The following SESN1 variants were observed in gnomAD, a reference collection of about 807,000 sequenced individuals.
The protein encoded by SESN1 is sestrin 1.
Under a neutral mutation model 59.3 loss-of-function variants are expected in SESN1, and 30 were observed. That is an observed-to-expected ratio of 0.51 (90% CI 0.38 to 0.69). The LOEUF is 0.69. Ranked by LOEUF, SESN1 falls within the 30% of genes least tolerant of loss-of-function variation. The pLI, the probability that SESN1 is intolerant of heterozygous loss-of-function variation, is 0.00. For missense variants in SESN1, 566 were observed against 673.0 expected, an observed-to-expected ratio of 0.84 and a Z score of 1.76; for synonymous variants, 197 against 219.9, an observed-to-expected ratio of 0.90 and a Z score of 0.92.
At position 109,094,188 on chromosome 6, in the gene SESN1, T is replaced by C. The variant is rs948766174; in HGVS notation, c.-115A>G. The stretch of plus-strand genomic sequence containing the variant: ...TAAAATCAGAGAAATCAAATCGTCA[T>C]GAAAACACACATCTGGGTGACATTT... On this transcript the variant is annotated 5_prime_UTR_variant, in exon 1 of 10. The change abolishes an upstream ATG in the 5' untranslated region. Transcript: ENST00000436639. 2 of 1,182,330 alleles carry C rather than the reference T, an allele frequency of 1.7e-6. No individual in the cohort carries two copies. Among genetic ancestry groups the C allele is most frequent in the East Asian group, 4.8e-5 (2 of 41,902 alleles). The allele number at this position is 1,182,330 out of a possible 1,614,324, so 73.2% of individuals were successfully genotyped here.
intron 1 of SESN1, among the ~76,000 whole-genome samples, chr6:109,054,902 A>C (rs1210293784): frequency 6.6e-6 from 1 of 152,214 alleles, no homozygotes; most frequent in Non-Finnish European, 1.5e-5. Context: ...CCTTGCTTTT[A>C]CGCTTTAAAA....
chr6:109,077,583 G>T (rs1781051556), intron 1 of SESN1, among the ~76,000 whole-genome samples: 1 of 152,136 alleles, frequency 6.6e-6, no homozygotes, highest in Non-Finnish European at 1.5e-5. Flanking sequence ...TTGCAGATCT[G>T]GTGTGACCCA....
intron 7 of SESN1, among the ~76,000 whole-genome samples, chr6:108,991,603 T>C (rs1468249464): frequency 6.6e-6 from 1 of 152,204 alleles, no homozygotes; most frequent in Non-Finnish European, 1.5e-5. Context: ...CCTGCACTTC[T>C]GCCTTTTAGC....
chr6:109,062,548 T>C (rs1392830293), intron 1 of SESN1, among the ~76,000 whole-genome samples: 2 of 152,170 alleles, frequency 1.3e-5, no homozygotes, highest in East Asian at 3.9e-4. Context: ...AAAACATTTA[T>C]CTTTAACGAA....
chr6:109,035,369 C>A (rs1038376574), intron 1 of SESN1, among the ~76,000 whole-genome samples: 1 of 152,092 alleles, frequency 6.6e-6, no homozygotes, highest in African/African-American at 2.4e-5. Flanking sequence ...TTAATTTGTA[C>A]ACTACACCTC....
Position 109,061,093 on chromosome 6 carries a change from CATATT to C in SESN1, c.279+32697_279+32701del, listed in dbSNP as rs376821214. 4.2e-3 allele frequency among the ~76,000 whole-genome samples: 640 copies of C among 152,174 alleles called. 4 individuals are homozygous for C. The highest frequency in any genetic ancestry group is 0.014 in the African/African-American group (591 of 41,540). ...ATTTTACTTTTTGAAATATCTCACA[CATATT>C]ATTCATAACTCAGTTGTATATCTGA... On this transcript the variant is annotated intron_variant, in intron 1 of 9. Transcript: ENST00000436639.
intron 1 of SESN1, chr6:109,009,440 C>T: frequency 1.5e-6 from 2 of 1,368,258 alleles, no homozygotes; most frequent in Non-Finnish European, 1.9e-6. Context: ...ACGCCTCGTT[C>T]GCGGCGGCGG....
intron 1 of SESN1, among the ~76,000 whole-genome samples, chr6:109,032,629 G>T (rs1329018823): frequency 1.3e-5 from 2 of 151,486 alleles, no homozygotes; most frequent in Non-Finnish European, 2.9e-5. Context: ...TGGGGGGAGT[G>T]GGGGGGAAGA....
chr6:108,986,038 A>AT lies in SESN1; in HGVS notation c.*1505dup, dbSNP rs1277834656. 6.6e-6 allele frequency among the ~76,000 whole-genome samples: 1 copy of AT among 152,118 alleles called. No homozygotes were observed. The highest frequency in any genetic ancestry group is 2.4e-5 in the African/African-American group (1 of 41,420). On this transcript the variant is annotated 3_prime_UTR_variant, in exon 10 of 10. Coordinates refer to ENST00000436639, the MANE Select transcript of SESN1 (RefSeq NM_014454.3). ...CCATACATTTGTAGGCAGGCACTAGATTGAGCTCAATAAATGTTTTGAGGA... is the reference window on the plus strand; with the variant it reads ...CCATACATTTGTAGGCAGGCACTAGATTTGAGCTCAATAAATGTTTTGAGGA...
At chr6:109,017,679 T>C (rs1467948064) in intron 1 of SESN1, among the ~76,000 whole-genome samples, 1 of 152,170 alleles carries the variant, frequency 6.6e-6, no homozygotes, top group Non-Finnish European at 1.5e-5. Flanking sequence ...ACATAAATCA[T>C]ACAGATTAGC....
intron 1 of SESN1, among the ~76,000 whole-genome samples, chr6:109,086,137 T>C (rs1328678174): frequency 6.6e-6 from 1 of 152,162 alleles, no homozygotes; most frequent in Admixed American, 6.5e-5. Context: ...GGCAGGCAGA[T>C]CACTTAAGGT....
chr6:109,022,359 G>T (rs1780025001), intron 1 of SESN1, among the ~76,000 whole-genome samples: 1 of 135,884 alleles, frequency 7.4e-6, no homozygotes, highest in African/African-American at 2.7e-5. Context: ...GTTTCGATTT[G>T]ATATTAATAG....
chr6:109,093,055 T>TA (rs549876431), intron 1 of SESN1, among the ~76,000 whole-genome samples: 10 of 151,926 alleles, frequency 6.6e-5, no homozygotes, highest in South Asian at 4.2e-4. Flanking sequence ...TCTAAAAACT[T>TA]AAAAAAAAGT....
At chr6:109,009,677 G>T in intron 1 of SESN1, 1 of 500,828 alleles carries the variant, frequency 2.0e-6, no homozygotes, top group Non-Finnish European at 2.6e-6. Context: ...CCGCCCCTCC[G>T]GCGCGGAGGC....
At chr6:109,065,392 T>C (rs1183527626) in intron 1 of SESN1, among the ~76,000 whole-genome samples, 1 of 152,210 alleles carries the variant, frequency 6.6e-6, no homozygotes, top group Non-Finnish European at 1.5e-5. Context: ...CTTTTTATTT[T>C]TCCAATATTA....
At position 108,998,400 on chromosome 6, in the gene SESN1, A is replaced by C. The variant is rs920849155; in HGVS notation, c.972+113T>G. On this transcript the variant is annotated intron_variant, in intron 5 of 9. Transcript: ENST00000436639. ...CTGAATGAATAGATATAGGGGCCCA[A>C]TATCTCCACAGTCTTAACAGGGTGG... 19 of 1,274,640 alleles carry C rather than the reference A, an allele frequency of 1.5e-5. 1 individual carries two copies. In the African/African-American group the frequency reaches 2.7e-4, roughly 18 times the overall value. 79.0% of individuals were successfully genotyped at this position (1,274,640 alleles called of 1,614,324 possible).
rs759950069 is a variant in SESN1 at position 108,986,197 on chromosome 6, T to C, written c.*1347A>G. Among the ~76,000 whole-genome samples the C allele has an allele frequency of 6.6e-6, 1 of 152,194 alleles. No homozygotes were observed. Among genetic ancestry groups the C allele is most frequent in the African/African-American group, 2.4e-5 (1 of 41,440 alleles). On this transcript the variant is annotated 3_prime_UTR_variant, in exon 10 of 10. Coordinates refer to ENST00000436639, the MANE Select transcript of SESN1 (RefSeq NM_014454.3). ...CTTTTTAGTAATTCTTAAAATTCTA[T>C]TGGAACTCTAAAACAGTTGAAAAGA...
At chr6:109,052,956 AT>A (rs2114444712) in intron 1 of SESN1, among the ~76,000 whole-genome samples, 1 of 152,280 alleles carries the variant, frequency 6.6e-6, no homozygotes, top group East Asian at 1.9e-4. Flanking sequence ...CAAACAATCA[AT>A]AAAGTAATTG....
chr6:109,058,147 C>T (rs537255793), intron 1 of SESN1, among the ~76,000 whole-genome samples: 38 of 151,890 alleles, frequency 2.5e-4, no homozygotes, highest in South Asian at 6.2e-4. Flanking sequence ...TGGAGTGGTA[C>T]GATCACGGCT....
Sources: allele counts gnomAD v4.1 joint callset (sites outside exome capture counted in the v4.1 genomes callset), GRCh38; gene constraint gnomAD v4.1.1; transcripts MANE v1.5; gene names NCBI Gene and HGNC (gene_info 2026-07-23, HGNC 2026-07-21).